CAMKMT: variants seen among roughly 807,000 people sequenced by gnomAD.
CAMKMT encodes the protein calmodulin-lysine N-methyltransferase, also known as CaM KMT.
Under a neutral mutation model 48.0 loss-of-function variants are expected in CAMKMT, and 53 were observed. The ratio of observed to expected loss-of-function variants is 1.10; its 90% confidence interval spans 0.89 to 1.39. The LOEUF (loss-of-function observed/expected upper bound fraction) is 1.39. Among genes scored for constraint, CAMKMT ranks in the 40% most tolerant of loss-of-function variants. CAMKMT has a pLI of 0.00. For missense variants in CAMKMT, 428 were observed against 402.7 expected, an observed-to-expected ratio of 1.06 and a Z score of -0.54; for synonymous variants, 165 against 152.3, an observed-to-expected ratio of 1.08 and a Z score of -0.61.
chr2:44,428,602 T>C (rs1262967544), intron 3 of CAMKMT, among the ~76,000 whole-genome samples: 1 of 152,256 alleles, frequency 6.6e-6, no homozygotes, highest in African/African-American at 2.4e-5. Context: ...TCCATATCAA[T>C]AGATGTTGGC....
intron 3 of CAMKMT, among the ~76,000 whole-genome samples, chr2:44,508,689 T>A (rs1323959699): frequency 6.6e-6 from 1 of 152,224 alleles, no homozygotes; most frequent in Non-Finnish European, 1.5e-5. Context: ...TTTTTTCCTT[T>A]AGGTAAATAA....
chr2:44,706,156 G>A, intron 4 of CAMKMT, 131 bp from the exon 5 acceptor site: 1 of 788,460 alleles, frequency 1.3e-6, no homozygotes, highest in South Asian at 1.6e-5. Context: ...AGGTAGCCTA[G>A]TCATGTCTCT....
chr2:44,586,155 G>A (rs926337091), intron 3 of CAMKMT, among the ~76,000 whole-genome samples: 1 of 152,212 alleles, frequency 6.6e-6, no homozygotes, highest in Non-Finnish European at 1.5e-5. Flanking sequence ...TCTGCCCAAG[G>A]TGGCATAGGT....
intron 3 of CAMKMT, among the ~76,000 whole-genome samples, chr2:44,523,770 ATTT>A (rs70937920): frequency 0.012 from 1,073 of 89,738 alleles, 10 homozygotes; most frequent in Middle Eastern, 0.033. Flanking sequence ...GAGAGCGAGC[ATTT>A]TTTTTTTTTT....
chr2:44,599,947 T>C (rs1212128093), intron 3 of CAMKMT, among the ~76,000 whole-genome samples: 1 of 152,122 alleles, frequency 6.6e-6, no homozygotes, highest in African/African-American at 2.4e-5. Context: ...CTCTATGGAC[T>C]TTGAATAACT....
chr2:44,390,307 TA>T lies in CAMKMT; in HGVS notation c.376+4del. 1 of 1,590,114 alleles carries T rather than the reference TA, an allele frequency of 6.3e-7. No individual in the cohort carries two copies. The highest frequency in any genetic ancestry group is 8.6e-7 in the Non-Finnish European group (1 of 1,163,224). On this transcript the variant is annotated splice_donor_region_variant and intron_variant, in intron 3 of 10. Transcript: ENST00000378494. ...GCTTTGACAATACAGGAAATGTTTG[TA>T]AGTTATACATTCACTCTATAGAAAT... is the stretch of plus-strand genomic sequence containing the variant.
intron 3 of CAMKMT, among the ~76,000 whole-genome samples, chr2:44,528,768 C>T (rs1049066389): frequency 6.6e-6 from 1 of 152,090 alleles, no homozygotes; most frequent in African/African-American, 2.4e-5. Context: ...GTTTCTTGCA[C>T]ACAGGATTTG....
chr2:44,449,434 A>C (rs1667176049), intron 3 of CAMKMT, among the ~76,000 whole-genome samples: 1 of 152,004 alleles, frequency 6.6e-6, no homozygotes, highest in African/African-American at 2.4e-5. Context: ...ACCCACCACT[A>C]ATTTTCTTCC....
At chr2:44,664,027 T>G (rs1312650658) in intron 3 of CAMKMT, among the ~76,000 whole-genome samples, 1 of 152,202 alleles carries the variant, frequency 6.6e-6, no homozygotes, top group Admixed American at 6.5e-5. Context: ...TGCTAAGTCA[T>G]TACTGCAGCA....
At chr2:44,429,166 C>G (rs1684475432) in intron 3 of CAMKMT, among the ~76,000 whole-genome samples, 1 of 152,064 alleles carries the variant, frequency 6.6e-6, no homozygotes, top group Admixed American at 6.5e-5. Context: ...CTCACTTAGA[C>G]TCAAACTGAC....
Position 44,471,914 on chromosome 2 carries a change from C to T in CAMKMT, c.376+81609C>T, listed in dbSNP as rs145788201. ...AAGACTGGTCTCAAACTACTGACCTCAAGTGATCCACCTGCCTGGGGCTCC... is the reference window on the plus strand; with the variant it reads ...AAGACTGGTCTCAAACTACTGACCTTAAGTGATCCACCTGCCTGGGGCTCC... On this transcript the variant is annotated intron_variant, in intron 3 of 10. Coordinates refer to ENST00000378494, the MANE Select transcript of CAMKMT (RefSeq NM_024766.5). Among the ~76,000 whole-genome samples, 1,008 of 152,154 alleles carry T rather than the reference C, an allele frequency of 6.6e-3. 11 individuals carry two copies. Among genetic ancestry groups the T allele is most frequent in the Middle Eastern group, 0.021 (6 of 292 alleles).
chr2:44,705,970 G>T (rs557969100), intron 4 of CAMKMT, among the ~76,000 whole-genome samples: 1 of 152,176 alleles, frequency 6.6e-6, no homozygotes, highest in African/African-American at 2.4e-5. Context: ...CGCTACTCTA[G>T]CTAGTTTAGT....
At chr2:44,544,470 G>A (rs554167895) in intron 3 of CAMKMT, among the ~76,000 whole-genome samples, 1 of 152,172 alleles carries the variant, frequency 6.6e-6, no homozygotes, top group East Asian at 1.9e-4. Flanking sequence ...TTGGAAGTCA[G>A]ATTTCTCTTG....
At chr2:44,700,897 T>A (rs901141554) in intron 3 of CAMKMT, among the ~76,000 whole-genome samples, 2 of 152,134 alleles carry the variant, frequency 1.3e-5, no homozygotes, top group Non-Finnish European at 2.9e-5. Context: ...CAAAGCACAA[T>A]AAAGAAAGCT....
chr2:44,469,135 G>A (rs970468150), intron 3 of CAMKMT, among the ~76,000 whole-genome samples: 5 of 151,982 alleles, frequency 3.3e-5, no homozygotes, highest in South Asian at 4.1e-4. Context: ...AGTGACTATC[G>A]TTAACAAAGA....
At chr2:44,492,209 G>A (rs936074947) in intron 3 of CAMKMT, among the ~76,000 whole-genome samples, 26 of 152,026 alleles carry the variant, frequency 1.7e-4, no homozygotes, top group South Asian at 4.1e-4. Context: ...TGAGAATAAA[G>A]GAGGATATTC....
At chr2:44,523,859 C>A (rs1472743497) in intron 3 of CAMKMT, among the ~76,000 whole-genome samples, 5 of 142,218 alleles carry the variant, frequency 3.5e-5, no homozygotes, top group Non-Finnish European at 6.0e-5. Context: ...CTCACTGCAA[C>A]CTTTGCCTCC....
Position 44,707,405 on chromosome 2 carries a change from AT to A in CAMKMT, c.502del (p.Ser168LeufsTer9). The stretch of plus-strand genomic sequence containing the variant: ...GCTCCCTTTTTTTTTTCAGGTTGCT[AT>A]TTCTGCAGATGTCAAAGAAGTTCTG... ...MTCLAGLMVAISADVKEVLLT... is the reference protein window; with the variant it reads ...MTCLAGLMVAXSADVKEVLLT... On this transcript the variant is annotated frameshift_variant, in exon 6 of 11. Coordinates refer to ENST00000378494, the MANE Select transcript of CAMKMT (RefSeq NM_024766.5). LOFTEE classifies it high-confidence loss of function. 6.2e-7 allele frequency: 1 copy of A among 1,610,886 alleles called. No individual in the cohort carries two copies. The highest frequency in any genetic ancestry group is 8.5e-7 in the Non-Finnish European group (1 of 1,178,666).
At chr2:44,467,770 A>C (rs1043955887) in intron 3 of CAMKMT, among the ~76,000 whole-genome samples, 1 of 152,202 alleles carries the variant, frequency 6.6e-6, no homozygotes. Context: ...CAGTCTCTTC[A>C]GTAAATAGTG....
Sources: gnomAD v4.1 joint callset for allele counts (sites outside exome capture counted in the v4.1 genomes callset) on GRCh38, gnomAD v4.1.1 for gene constraint, MANE v1.5 for transcripts, NCBI Gene and HGNC (gene_info 2026-07-23, HGNC 2026-07-21) for gene names.